Variants in RBFOX1 observed in about 807,000 individuals in gnomAD.
RBFOX1 encodes the protein RNA binding protein fox-1 homolog 1.
In RBFOX1, 8 loss-of-function variants were observed where a neutral mutation model predicts 57.7. The ratio of observed to expected loss-of-function variants is 0.14; its 90% CI spans 0.08 to 0.25. RBFOX1 has a LOEUF of 0.25. Ranked by LOEUF, RBFOX1 falls within the 10% of genes least tolerant of loss-of-function variation. RBFOX1 has a pLI of 1.00. For missense variants in RBFOX1, 611 were observed against 548.5 expected (o/e 1.11, Z -1.14); for synonymous variants, 326 against 222.4 (o/e 1.47, Z -4.15).
intron 2 of RBFOX1, among the ~76,000 whole-genome samples, chr16:5,470,677 G>C (rs1240276980): frequency 6.6e-6 from 1 of 151,968 alleles, no homozygotes; most frequent in Non-Finnish European, 1.5e-5. Context: ...TGGAGTGCAG[G>C]ACCCCAGAGA....
rs377122113 is a variant in RBFOX1, at chr16:6,912,783, G to A, written c.-15-139274G>A. Among the ~76,000 whole-genome samples, 62 of 151,234 alleles carry A rather than the reference G, an allele frequency of 4.1e-4. No individual in the cohort carries two copies. The East Asian group carries it at 8.4e-3, about 20-fold the overall frequency. ...TAGGCACATGCCACCACACGTGCCC[G>A]CCTAATTTTTTTTTTTAAGACAGAC... On this transcript the variant is annotated intron_variant, in intron 3 of 15. Coordinates refer to ENST00000550418, the MANE Select transcript of RBFOX1 (RefSeq NM_018723.4).
intron 3 of RBFOX1, among the ~76,000 whole-genome samples, chr16:6,748,705 A>G (rs1288904800): frequency 1.3e-5 from 2 of 152,210 alleles, no homozygotes; most frequent in African/African-American, 2.4e-5. Flanking sequence ...TGAACTTGTT[A>G]TGCATGTATG....
chr16:5,379,138 C>T (rs1363411596), intron 1 of RBFOX1, among the ~76,000 whole-genome samples: 5 of 151,708 alleles, frequency 3.3e-5, no homozygotes, highest in South Asian at 2.1e-4. Flanking sequence ...GGACCTCATG[C>T]CGTTAGGAGC....
intron 4 of RBFOX1, among the ~76,000 whole-genome samples, chr16:7,219,868 AAAG>A (rs2092588765): frequency 6.6e-6 from 1 of 152,206 alleles, no homozygotes; most frequent in African/African-American, 2.4e-5. Flanking sequence ...GTATTTATAT[AAAG>A]AAGTTTTCTA....
intron 4 of RBFOX1, among the ~76,000 whole-genome samples, chr16:5,937,218 C>T (rs181163505): frequency 1.3e-5 from 2 of 152,102 alleles, no homozygotes; most frequent in African/African-American, 2.4e-5. Context: ...GGAAAGAACA[C>T]GAGAGATTGT....
At chr16:6,043,022 C>T (rs1481011327) in intron 1 of RBFOX1, among the ~76,000 whole-genome samples, 2 of 148,902 alleles carry the variant, frequency 1.3e-5, no homozygotes, top group African/African-American at 5.0e-5. Context: ...GAGGCTAAGG[C>T]ACCAAGAATC....
intron 3 of RBFOX1, among the ~76,000 whole-genome samples, chr16:5,773,429 C>G (rs972346706): frequency 6.6e-6 from 1 of 152,142 alleles, no homozygotes; most frequent in Non-Finnish European, 1.5e-5. Context: ...CATATTGCTC[C>G]AGAACTTACT....
chr16:6,331,471 T>G (rs1472499345), intron 2 of RBFOX1, among the ~76,000 whole-genome samples: 1 of 151,692 alleles, frequency 6.6e-6, no homozygotes, highest in Non-Finnish European at 1.5e-5. Flanking sequence ...TGACATTGGC[T>G]TAGAATAGGG....
intron 2 of RBFOX1, among the ~76,000 whole-genome samples, chr16:6,397,151 C>T (rs924545516): frequency 1.3e-5 from 2 of 152,064 alleles, no homozygotes; most frequent in African/African-American, 2.4e-5. Flanking sequence ...GAAATTTCTT[C>T]AAATTTGGTG....
At chr16:7,035,643 C>G (rs776651811) in intron 3 of RBFOX1, among the ~76,000 whole-genome samples, 1 of 152,146 alleles carries the variant, frequency 6.6e-6, no homozygotes, top group African/African-American at 2.4e-5. Context: ...TGAGCTCGGT[C>G]ATTACTTCCA....
chr16:7,032,590 T>C (rs933303713), intron 3 of RBFOX1, among the ~76,000 whole-genome samples: 1 of 87,520 alleles, frequency 1.1e-5, no homozygotes, highest in African/African-American at 5.8e-5. Flanking sequence ...TCTGTTTGTT[T>C]GTTTGTTTGT....
chr16:6,797,262 G>A (rs1027917264), intron 3 of RBFOX1, among the ~76,000 whole-genome samples: 4 of 152,140 alleles, frequency 2.6e-5, no homozygotes, highest in Admixed American at 2.0e-4. Context: ...CCCCCATAAC[G>A]CTGTCCTTAG....
chr16:6,901,743 C>T (rs2068550269), intron 3 of RBFOX1, among the ~76,000 whole-genome samples: 1 of 152,146 alleles, frequency 6.6e-6, no homozygotes, highest in Non-Finnish European at 1.5e-5. Flanking sequence ...GTAAATACTG[C>T]TTCAGACCCA....
intron 3 of RBFOX1, among the ~76,000 whole-genome samples, chr16:5,623,433 T>C (rs1268853954): frequency 6.6e-6 from 1 of 152,192 alleles, no homozygotes; most frequent in African/African-American, 2.4e-5. Flanking sequence ...GTTTCTGTTC[T>C]AGTGGGAGAA....
At chr16:6,422,729 A>G in intron 2 of RBFOX1, among the ~76,000 whole-genome samples, 1 of 152,128 alleles carries the variant, frequency 6.6e-6, no homozygotes, top group East Asian at 1.9e-4. Context: ...TCACTAGCAC[A>G]AAAATAGCAC....
Position 6,907,930 on chromosome 16 carries a change from G to C in RBFOX1, c.-15-144127G>C, listed in dbSNP as rs779100790. ...CTCCTTGCTTGTAGATATGTCACCT[G>C]AATCTCCACCTGCATGTTTACATAG... is the stretch of plus-strand genomic sequence containing the variant. On this transcript the variant is annotated intron_variant, in intron 3 of 15. Transcript: ENST00000550418. 2.3e-4 allele frequency among the ~76,000 whole-genome samples: 35 copies of C among 151,542 alleles called. 2 individuals carry two copies. Among genetic ancestry groups the C allele is most frequent in the Non-Finnish European group, 4.9e-4 (33 of 67,690 alleles).
intron 3 of RBFOX1, among the ~76,000 whole-genome samples, chr16:6,812,847 G>A (rs952499793): frequency 6.6e-6 from 1 of 152,174 alleles, no homozygotes; most frequent in Non-Finnish European, 1.5e-5. Flanking sequence ...AGAAGATGGA[G>A]CACTTAGAAA....
chr16:6,791,346 C>A (rs989893933), intron 3 of RBFOX1, among the ~76,000 whole-genome samples: 1 of 152,162 alleles, frequency 6.6e-6, no homozygotes, highest in African/African-American at 2.4e-5. Flanking sequence ...TTTTAAAATA[C>A]TTTGCATCAA....
intron 2 of RBFOX1, among the ~76,000 whole-genome samples, chr16:6,477,585 G>C (rs1284848374): frequency 1.3e-5 from 2 of 152,192 alleles, no homozygotes; most frequent in Non-Finnish European, 2.9e-5. Context: ...AGGCAGAGTA[G>C]ATTTAGAGTT....
Sources: gnomAD v4.1 joint callset for allele counts (sites outside exome capture counted in the v4.1 genomes callset) on GRCh38, gnomAD v4.1.1 for gene constraint, MANE v1.5 for transcripts, NCBI Gene and HGNC (gene_info 2026-07-23, HGNC 2026-07-21) for gene names.